SH3RF2: variants seen among roughly 807,000 people sequenced by gnomAD.
SH3RF2 encodes E3 ubiquitin-protein ligase SH3RF2.
SH3RF2 carries 43 observed loss-of-function variants against 59.0 expected under a neutral mutation model. The observed-to-expected ratio is 0.73, with a 90% CI of 0.57 to 0.94. The LOEUF (loss-of-function observed/expected upper bound fraction) is 0.94, where lower values mean the gene tolerates loss of function less well. SH3RF2 is among the 40% of genes least tolerant of loss of function. SH3RF2 has a pLI of 0.00. For synonymous variants in SH3RF2, 391 were observed against 391.5 expected, an observed-to-expected ratio of 1.00 and a Z score of 0.01; for missense variants, 930 against 940.1, an observed-to-expected ratio of 0.99 and a Z score of 0.14.
chr5:145,966,951 G>T (rs1418665506), intron 2 of SH3RF2, among the ~76,000 whole-genome samples: 1 of 152,176 alleles, frequency 6.6e-6, no homozygotes, highest in Admixed American at 6.5e-5. Context: ...GAGCCCAGGA[G>T]TAGAGGCTGC....
At chr5:145,997,428 A>G in intron 2 of SH3RF2, 1 of 1,391,726 alleles carries the variant, frequency 7.2e-7, no homozygotes, top group Non-Finnish European at 1.0e-6. Flanking sequence ...TGGTCATTAT[A>G]CTGGCTGGTG....
chr5:146,049,588 A>G (rs1358096939), intron 7 of SH3RF2, among the ~76,000 whole-genome samples: 1 of 151,750 alleles, frequency 6.6e-6, no homozygotes, highest in East Asian at 1.9e-4. Flanking sequence ...AATCCCAGGA[A>G]CCCCACTTCA....
At chr5:145,971,871 A>ATG (rs1759095497) in intron 2 of SH3RF2, among the ~76,000 whole-genome samples, 1 of 150,610 alleles carries the variant, frequency 6.6e-6, no homozygotes, top group African/African-American at 2.4e-5. Context: ...TAATAGTGAT[A>ATG]ATGATGATGA....
downstream of SH3RF2, among the ~76,000 whole-genome samples, chr5:146,068,158 C>T (rs1763148296): frequency 6.6e-6 from 1 of 152,208 alleles, no homozygotes; most frequent in Non-Finnish European, 1.5e-5. Flanking sequence ...TCAAAGGCCT[C>T]AGCAATGCCT....
At chr5:145,997,990 A>C in intron 2 of SH3RF2, 1 of 754,768 alleles carries the variant, frequency 1.3e-6, no homozygotes, top group Non-Finnish European at 2.5e-6. Context: ...GAACATATAG[A>C]CAAGTATAGC....
At chr5:145,964,975 C>T (rs1442933218) in intron 2 of SH3RF2, among the ~76,000 whole-genome samples, 1 of 152,034 alleles carries the variant, frequency 6.6e-6, no homozygotes, top group Admixed American at 6.6e-5. Context: ...GGTGGATTGC[C>T]TGAGCTCAGG....
Position 145,938,002 on chromosome 5 carries a change from T to C in SH3RF2, c.74T>C (p.Val25Ala). ...GAGAAGCTCGATGTCACAGCCAAAG[T>C]CCTCCCTTGCCAGCACACCTTCTGC... ...CFEKLDVTAK[V>A]LPCQHTFCKP... The change falls in exon 2 of 10, where the codon GTC becomes GCC. Residue 25 changes from valine to alanine, a missense_variant. Val to Ala is a moderately conservative substitution (Grantham distance 64). Coordinates refer to ENST00000359120, the MANE Select transcript of SH3RF2 (RefSeq NM_152550.4). 1 of 1,614,188 alleles carries C rather than the reference T, an allele frequency of 6.2e-7. No homozygotes were observed. The highest frequency in any genetic ancestry group is 8.5e-7 in the Non-Finnish European group (1 of 1,180,026).
chr5:145,938,674 A>G (rs2149936222), intron 2 of SH3RF2, among the ~76,000 whole-genome samples: 1 of 152,352 alleles, frequency 6.6e-6, no homozygotes, highest in East Asian at 1.9e-4. Context: ...AGAGAAAACA[A>G]ATCCAACTGC....
chr5:145,987,553 T>G (rs1278011456), intron 2 of SH3RF2, among the ~76,000 whole-genome samples: 2 of 152,216 alleles, frequency 1.3e-5, no homozygotes, highest in Non-Finnish European at 2.9e-5. Context: ...TGGGTTCCTT[T>G]CCATCCCTCA....
chr5:146,049,234 C>T lies in SH3RF2; in HGVS notation c.1311C>T (p.Ile437=). ...GCATCTTCCCAAACAATTACGTCAT[C>T]CCCATTTTCAGGTGTGTCGCCTCCA... ...RVGIFPNNYV[I]PIFRKTSSFP... is the part of the protein sequence containing the mutation. Residue 437 remains isoleucine, a synonymous_variant, in exon 7 of 10, where the codon ATC becomes ATT. Coordinates refer to ENST00000359120, the MANE Select transcript of SH3RF2 (RefSeq NM_152550.4). 1.2e-6 allele frequency: 2 copies of T among 1,609,416 alleles called. No homozygotes were observed. The highest frequency in any genetic ancestry group is 8.5e-7 in the Non-Finnish European group (1 of 1,177,180).
chr5:145,979,590 T>C (rs1759434201), intron 2 of SH3RF2, among the ~76,000 whole-genome samples: 3 of 152,198 alleles, frequency 2.0e-5, no homozygotes. Flanking sequence ...TACCCCATCA[T>C]GGCTACTTTC....
intron 4 of SH3RF2, among the ~76,000 whole-genome samples, chr5:146,011,239 ATC>A (rs1189004051): frequency 1.3e-5 from 2 of 152,098 alleles, no homozygotes; most frequent in African/African-American, 4.8e-5. Context: ...ATTGGTCTAT[ATC>A]TCTGTTTAGG....
At chr5:145,971,675 C>T (rs562509658) in intron 2 of SH3RF2, among the ~76,000 whole-genome samples, 14 of 152,324 alleles carry the variant, frequency 9.2e-5, no homozygotes, top group African/African-American at 3.4e-4. Context: ...AGTCAGTCCA[C>T]AAGGATTGAC....
chr5:146,019,721 C>T (rs1264129953), intron 5 of SH3RF2, among the ~76,000 whole-genome samples: 9 of 152,108 alleles, frequency 5.9e-5, no homozygotes, highest in African/African-American at 2.2e-4. Flanking sequence ...ATTGTTTCTT[C>T]CAATCTATGA....
rs201561721 is a variant in SH3RF2, at chr5:145,970,126, A to AT, written c.379-29922dup. Among the ~76,000 whole-genome samples the AT allele has an allele frequency of 3.0e-3, 440 of 148,928 alleles. 1 individual carries two copies. The highest frequency in any genetic ancestry group is 0.029 in the East Asian group (147 of 5,066). ...TCTTCACAGATTATTGTTCCATTTT[A>AT]TTTTTTTTTTCAATCGTTTTTGGAG... On this transcript the variant is annotated intron_variant, in intron 2 of 9. Coordinates refer to ENST00000359120, the MANE Select transcript of SH3RF2 (RefSeq NM_152550.4).
At chr5:146,003,105 G>A (rs561520184) in intron 3 of SH3RF2, among the ~76,000 whole-genome samples, 1 of 152,326 alleles carries the variant, frequency 6.6e-6, no homozygotes, top group South Asian at 2.1e-4. Flanking sequence ...TGAATATACA[G>A]GTTGAACTTG....
At chr5:146,011,865 C>G (rs1370357366) in intron 4 of SH3RF2, among the ~76,000 whole-genome samples, 2 of 152,050 alleles carry the variant, frequency 1.3e-5, no homozygotes, top group Non-Finnish European at 2.9e-5. Flanking sequence ...AATTGAATAC[C>G]CTTTATTTCT....
intron 2 of SH3RF2, among the ~76,000 whole-genome samples, chr5:145,959,348 C>G (rs1036640554): frequency 5.3e-5 from 8 of 152,110 alleles, no homozygotes; most frequent in African/African-American, 1.9e-4. Flanking sequence ...TGCCAGAACT[C>G]TTTTAGTTGC....
At chr5:146,035,564 G>C (rs1761909972) in intron 5 of SH3RF2, among the ~76,000 whole-genome samples, 2 of 152,132 alleles carry the variant, frequency 1.3e-5, no homozygotes, top group African/African-American at 2.4e-5. Flanking sequence ...CATACCCAGG[G>C]ACATCTGAAT....
Sources: gnomAD v4.1 joint callset for allele counts (sites outside exome capture counted in the v4.1 genomes callset) on GRCh38, gnomAD v4.1.1 for gene constraint, MANE v1.5 for transcripts, NCBI Gene and HGNC (gene_info 2026-07-23, HGNC 2026-07-21) for gene names.